Variants in TM9SF2 observed in about 807,000 individuals in gnomAD.
TM9SF2 encodes transmembrane 9 superfamily member 2.
Under a neutral mutation model 84.9 loss-of-function variants are expected in TM9SF2, and 13 were observed. The observed-to-expected ratio is 0.15, with a 90% CI of 0.10 to 0.24. The LOEUF is 0.24. Among genes scored for constraint, TM9SF2 ranks in the 10% least tolerant of loss-of-function variants. TM9SF2 has a pLI of 1.00. For missense variants in TM9SF2, 562 were observed against 818.5 expected (o/e 0.69, Z 3.82); for synonymous variants, 273 against 285.8 (o/e 0.96, Z 0.45).
At position 99,541,555 on chromosome 13, in the gene TM9SF2, A is replaced by G; in HGVS notation, c.909-4A>G. 1 of 1,604,544 alleles carries G rather than the reference A, an allele frequency of 6.2e-7. No individual in the cohort carries two copies. The highest frequency in any genetic ancestry group is 8.5e-7 in the Non-Finnish European group (1 of 1,172,948). ...GATTACTCATGATGTGCTTATTTCTACAGCATTATGAATTCCCTGGTCATT... is the reference window on the plus strand; with the variant it reads ...GATTACTCATGATGTGCTTATTTCTGCAGCATTATGAATTCCCTGGTCATT... On this transcript the variant is annotated splice_region_variant and splice_polypyrimidine_tract_variant and intron_variant, in intron 8 of 16. Transcript: ENST00000376387.
chr13:99,562,590 T>C, intron 16 of TM9SF2, 101 bp from the exon 17 acceptor site: 3 of 1,107,650 alleles, frequency 2.7e-6, no homozygotes, highest in Non-Finnish European at 2.6e-6. Context: ...GTTTATAGTT[T>C]TGCGACTTTT....
intron 3 of TM9SF2, among the ~76,000 whole-genome samples, chr13:99,528,288 G>A (rs913763217): frequency 6.6e-6 from 1 of 152,216 alleles, no homozygotes; most frequent in Non-Finnish European, 1.5e-5. Context: ...CTCAGATCCT[G>A]GCTATGCCGA....
chr13:99,559,631 C>A, intron 16 of TM9SF2, 97 bp downstream of exon 16: 1 of 1,143,630 alleles, frequency 8.7e-7, no homozygotes, highest in Non-Finnish European at 1.2e-6. Context: ...AAGGCTTATT[C>A]TGTTAGTGCT....
chr13:99,557,724 A>C (rs1449539932), intron 15 of TM9SF2, among the ~76,000 whole-genome samples: 3 of 151,970 alleles, frequency 2.0e-5, no homozygotes, highest in African/African-American at 7.3e-5. Flanking sequence ...GTCTTTATAA[A>C]AAATAACAAA....
intron 10 of TM9SF2, 141 bp downstream of exon 10, chr13:99,544,136 G>T: frequency 1.1e-6 from 1 of 877,704 alleles, no homozygotes; most frequent in Non-Finnish European, 1.7e-6. Context: ...TGGATGACAA[G>T]GTCAGGAGTT....
chr13:99,505,930 T>A (rs761643837), intron 1 of TM9SF2, among the ~76,000 whole-genome samples: 1 of 152,242 alleles, frequency 6.6e-6, no homozygotes, highest in Non-Finnish European at 1.5e-5. Context: ...TTTTTTACTG[T>A]TTGATGGATA....
chr13:99,546,105 G>T (rs1594058702), intron 10 of TM9SF2, among the ~76,000 whole-genome samples: 2 of 152,196 alleles, frequency 1.3e-5, no homozygotes, highest in Non-Finnish European at 2.9e-5. Flanking sequence ...ATCTTCTAAA[G>T]CTACCCTGAT....
intron 3 of TM9SF2, among the ~76,000 whole-genome samples, chr13:99,524,645 A>C (rs2046174375): frequency 6.6e-6 from 1 of 151,858 alleles, no homozygotes; most frequent in Non-Finnish European, 1.5e-5. Context: ...GGGAGTGGGT[A>C]TAGATGAAGA....
chr13:99,532,548 G>A (rs2046215727), intron 4 of TM9SF2, among the ~76,000 whole-genome samples: 1 of 152,046 alleles, frequency 6.6e-6, no homozygotes, highest in Non-Finnish European at 1.5e-5. Flanking sequence ...AAATTAGCCA[G>A]GTGTGGTGGC....
chr13:99,518,698 G>GT (rs2046145449), intron 2 of TM9SF2, among the ~76,000 whole-genome samples: 1 of 151,990 alleles, frequency 6.6e-6, no homozygotes, highest in Non-Finnish European at 1.5e-5. Flanking sequence ...CTGGGCTTAG[G>GT]TGATCCTCTC....
rs144414019 is a variant in TM9SF2 at position 99,551,634 on chromosome 13, G to A, written c.1329-533G>A. On this transcript the variant is annotated intron_variant, in intron 12 of 16. Transcript: ENST00000376387. ...TGATTACAACCATATTTTTAAAAAT[G>A]TATTCAGAAGAAAGACTGAATGGAA... Among the ~76,000 whole-genome samples the A allele has an allele frequency of 3.4e-3, 522 of 152,326 alleles. 15 individuals carry two copies. The highest frequency in any genetic ancestry group is 0.031 in the Admixed American group (474 of 15,304).
chr13:99,553,500 C>T (rs2046314117), intron 13 of TM9SF2, among the ~76,000 whole-genome samples: 1 of 152,122 alleles, frequency 6.6e-6, no homozygotes, highest in Non-Finnish European at 1.5e-5. Flanking sequence ...TTAATATCAG[C>T]CTTGGAAATA....
chr13:99,553,915 A>G (rs1188821623), intron 13 of TM9SF2, among the ~76,000 whole-genome samples: 1 of 152,266 alleles, frequency 6.6e-6, no homozygotes, highest in Non-Finnish European at 1.5e-5. Flanking sequence ...CCAAATAAAA[A>G]TACATGGACC....
intron 15 of TM9SF2, among the ~76,000 whole-genome samples, chr13:99,557,665 G>C (rs545987670): frequency 1.9e-4 from 29 of 152,112 alleles, no homozygotes; most frequent in South Asian, 2.1e-4. Context: ...CGGGAGGATC[G>C]CTTGAGCCCA....
intron 1 of TM9SF2, among the ~76,000 whole-genome samples, chr13:99,512,269 G>A (rs1332522926): frequency 6.6e-6 from 1 of 152,180 alleles, no homozygotes; most frequent in Non-Finnish European, 1.5e-5. Flanking sequence ...ACCAGCTTCT[G>A]CGTGTACTGT....
chr13:99,534,489 AAAG>A (rs1413697360), intron 4 of TM9SF2, among the ~76,000 whole-genome samples: 1 of 152,232 alleles, frequency 6.6e-6, no homozygotes, highest in Non-Finnish European at 1.5e-5. Context: ...AAAAAAAAGA[AAAG>A]AAAAAAAAAT....
rs774396547 is a variant in TM9SF2 at position 99,501,625 on chromosome 13, G to C, written c.19G>C (p.Val7Leu). The C allele has an allele frequency of 7.0e-5, 113 of 1,612,588 alleles. No individual in the cohort carries two copies. Among genetic ancestry groups the C allele is most frequent in the Non-Finnish European group, 9.2e-5 (108 of 1,179,362 alleles). Residue 7 changes from valine to leucine, a missense_variant, in exon 1 of 17, where the codon GTG (valine) becomes CTG (leucine). Transcript: ENST00000376387. MSARLP[V>L]LSPPRWPRLL... The stretch of plus-strand genomic sequence containing the variant: ...AACTATCATGAGCGCGAGGCTGCCG[G>C]TGTTGTCTCCACCTCGGTGGCCGCG...
intron 9 of TM9SF2, 64 bp from the exon 10 acceptor site, chr13:99,543,799 A>C: frequency 6.4e-7 from 1 of 1,553,750 alleles, no homozygotes; most frequent in Admixed American, 2.0e-5. Flanking sequence ...AACAGTGAAC[A>C]AACTGTCTAT....
intron 15 of TM9SF2, among the ~76,000 whole-genome samples, chr13:99,557,695 G>A (rs2046329921): frequency 6.6e-6 from 1 of 151,950 alleles, no homozygotes; most frequent in South Asian, 2.1e-4. Context: ...GACCAGCCTG[G>A]GCAACATAGT....
Sources: allele counts gnomAD v4.1 joint callset (sites outside exome capture counted in the v4.1 genomes callset), GRCh38; gene constraint gnomAD v4.1.1; transcripts MANE v1.5; gene names NCBI Gene and HGNC (gene_info 2026-07-23, HGNC 2026-07-21).